CFAP276: variants seen among roughly 807,000 people sequenced by gnomAD.
CFAP276 encodes the protein cilia- and flagella-associated protein 276.
At chr1:109,106,913 T>A in the CFAP276 span, 2 of 987,896 alleles carry the variant, frequency 2.0e-6, no homozygotes, top group Non-Finnish European at 3.1e-6. Context: ...TACAAATGAG[T>A]ACCTAGTGAT....
chr1:109,107,217 T>A, the CFAP276 span: 1 of 903,430 alleles, frequency 1.1e-6, no homozygotes, highest in Non-Finnish European at 1.8e-6. Context: ...AAAAGTATAG[T>A]GAAGGCTCTC....
chr1:109,113,620 A>C, the CFAP276 span: 2 of 1,613,514 alleles, frequency 1.2e-6, no homozygotes, highest in African/African-American at 2.7e-5. Flanking sequence ...CCTTCGTAGG[A>C]GGGAACACGT....
At chr1:109,109,619 C>A in the CFAP276 span, among the ~76,000 whole-genome samples, 1 of 147,480 alleles carries the variant, frequency 6.8e-6, no homozygotes, top group African/African-American at 2.5e-5. Flanking sequence ...TCACTGCAAC[C>A]TCCGCCTCCT....
chr1:109,112,018 G>A, the CFAP276 span, among the ~76,000 whole-genome samples: 1 of 152,042 alleles, frequency 6.6e-6, no homozygotes, highest in Admixed American at 6.6e-5. Context: ...AAATAAAAAG[G>A]GGCTCTCAAT....
At chr1:109,106,983 A>G in the CFAP276 span, 1 of 1,563,486 alleles carries the variant, frequency 6.4e-7, no homozygotes, top group Non-Finnish European at 8.8e-7. Flanking sequence ...TTTAGGCTGG[A>G]GAGGCTCTGC....
the CFAP276 span, chr1:109,113,661 G>A: frequency 6.2e-7 from 1 of 1,614,140 alleles, no homozygotes; most frequent in Non-Finnish European, 8.5e-7. Context: ...ACGACGTCTG[G>A]AGGGTGATCT....
chr1:109,106,758 CAA>C, the CFAP276 span: 2 of 1,381,948 alleles, frequency 1.4e-6, no homozygotes, highest in East Asian at 4.6e-5. Flanking sequence ...ATAAAGCAGC[CAA>C]AGACTCTTTT....
chr1:109,106,776 C>T, the CFAP276 span: 1 of 1,256,304 alleles, frequency 8.0e-7, no homozygotes, highest in Non-Finnish European at 1.1e-6. Flanking sequence ...CTTTTTACCT[C>T]TGTGGGATTA....
chr1:109,112,760 C>G, the CFAP276 span: 1 of 1,525,090 alleles, frequency 6.6e-7, no homozygotes, highest in Non-Finnish European at 8.8e-7. Flanking sequence ...GATCCCGGGT[C>G]CCAATTGTTT....
At chr1:109,108,378 A>G in the CFAP276 span, among the ~76,000 whole-genome samples, 1 of 152,180 alleles carries the variant, frequency 6.6e-6, no homozygotes, top group Non-Finnish European at 1.5e-5. Context: ...CCTGGCCTCA[A>G]GTGATACACC....
chr1:109,113,458 GA>G, the CFAP276 span, among the ~76,000 whole-genome samples: 9 of 139,104 alleles, frequency 6.5e-5, no homozygotes, highest in Non-Finnish European at 9.6e-5. Flanking sequence ...GAGAGAGAGA[GA>G]GAGAGAGAGG....
the CFAP276 span, among the ~76,000 whole-genome samples, chr1:109,111,472 C>CAAA: frequency 0.13 from 18,234 of 141,164 alleles, 1,454 homozygotes; most frequent in African/African-American, 0.22. Flanking sequence ...GACCCTGTCT[C>CAAA]AAAAAAAAAA....
chr1:109,106,653 C>A, the CFAP276 span: 18 of 1,613,626 alleles, frequency 1.1e-5, no homozygotes, highest in Non-Finnish European at 1.4e-5. Flanking sequence ...GGAATTGGAT[C>A]TTGGTTCTAG....
chr1:109,111,095 T>C, the CFAP276 span, among the ~76,000 whole-genome samples: 1 of 152,150 alleles, frequency 6.6e-6, no homozygotes, highest in African/African-American at 2.4e-5. Context: ...CCCTCTTGTC[T>C]CACTCTCATC....
At chr1:109,112,635 G>GT in the CFAP276 span, 1 of 1,550,612 alleles carries the variant, frequency 6.4e-7, no homozygotes. Context: ...AGGAATCATC[G>GT]TTATCTAATG....
the CFAP276 span, among the ~76,000 whole-genome samples, chr1:109,113,392 CAGAGAGAGAGAGAGAGAGAGAGAAAG>C: frequency 1.3e-4 from 12 of 91,336 alleles, no homozygotes; most frequent in Admixed American, 1.2e-3. Flanking sequence ...GACCCTGTCT[CAGAGAGAGAGAGAGAGAGAGAGAAAG>C]AGAGAGAGAG....
chr1:109,106,419 C>T, the CFAP276 span: 16 of 1,331,402 alleles, frequency 1.2e-5, no homozygotes, highest in African/African-American at 2.9e-5. Context: ...TTTCCAAGAC[C>T]CACAGATATC....
chr1:109,111,178 G>A, the CFAP276 span, among the ~76,000 whole-genome samples: 1 of 152,140 alleles, frequency 6.6e-6, no homozygotes, highest in East Asian at 1.9e-4. Context: ...TTAAAATCCT[G>A]CTATGGGGCT....
chr1:109,106,605 A>C, the CFAP276 span: 2 of 1,613,998 alleles, frequency 1.2e-6, no homozygotes, highest in Admixed American at 1.7e-5. Context: ...TAGCCAGGAA[A>C]GTGATGGGTG....
Sources: gnomAD v4.1 joint callset for allele counts (sites outside exome capture counted in the v4.1 genomes callset) on GRCh38, gnomAD v4.1.1 for gene constraint, MANE v1.5 for transcripts, NCBI Gene and HGNC (gene_info 2026-07-23, HGNC 2026-07-21) for gene names.